Variants in RSRC1 observed in about 807,000 individuals in gnomAD.
RSRC1 encodes arginine and serine rich coiled-coil 1.
A neutral mutation model predicts 49.1 loss-of-function variants in RSRC1; 39 were observed. That is an observed-to-expected ratio of 0.79 (90% CI 0.61 to 1.04). The LOEUF is 1.04. Ranked by LOEUF, RSRC1 falls within the 50% of genes least tolerant of loss-of-function variation. The pLI is 0.00. For missense variants in RSRC1, 388 were observed against 402.4 expected, an observed-to-expected ratio of 0.96 and a Z score of 0.31; for synonymous variants, 143 against 130.8, an observed-to-expected ratio of 1.09 and a Z score of -0.63.
intron 7 of RSRC1, among the ~76,000 whole-genome samples, chr3:158,522,475 C>T (rs551726326): frequency 1.4e-4 from 22 of 151,956 alleles, no homozygotes; most frequent in Admixed American, 1.4e-3. Flanking sequence ...CCAGCTGTAC[C>T]CTACTTTCAT....
chr3:158,442,059 AT>A (rs1736407192), intron 6 of RSRC1, among the ~76,000 whole-genome samples: 1 of 152,170 alleles, frequency 6.6e-6, no homozygotes, highest in South Asian at 2.1e-4. Context: ...AACAATGTAC[AT>A]GACTTAATTA....
At chr3:158,315,546 A>G (rs193075020) in intron 5 of RSRC1, among the ~76,000 whole-genome samples, 23 of 152,340 alleles carry the variant, frequency 1.5e-4, no homozygotes, top group African/African-American at 5.5e-4. Flanking sequence ...TCCAGAGCCC[A>G]TGATTTTAGT....
chr3:158,233,470 A>G (rs775405021), intron 4 of RSRC1, among the ~76,000 whole-genome samples: 4 of 152,074 alleles, frequency 2.6e-5, no homozygotes, highest in Non-Finnish European at 5.9e-5. Flanking sequence ...TAATGAAATA[A>G]CTCATGATTA....
chr3:158,318,049 T>TGTGTG (rs750765594), intron 5 of RSRC1, among the ~76,000 whole-genome samples: 1 of 147,944 alleles, frequency 6.8e-6, no homozygotes, highest in African/African-American at 2.5e-5. Context: ...GTGTGTGTGT[T>TGTGTG]TGTTTTTGGC....
chr3:158,297,088 T>C (rs1161970978), intron 4 of RSRC1, among the ~76,000 whole-genome samples: 1 of 152,100 alleles, frequency 6.6e-6, no homozygotes. Flanking sequence ...TAATGTTGTT[T>C]ATTGTTGGAG....
intron 6 of RSRC1, among the ~76,000 whole-genome samples, chr3:158,373,594 T>C (rs1407027915): frequency 6.6e-6 from 1 of 151,980 alleles, no homozygotes; most frequent in Non-Finnish European, 1.5e-5. Flanking sequence ...GGGCATGATA[T>C]ACTTTTTTTT....
chr3:158,194,725 C>T (rs1389888220), intron 3 of RSRC1, among the ~76,000 whole-genome samples: 1 of 149,280 alleles, frequency 6.7e-6, no homozygotes, highest in African/African-American at 2.5e-5. Context: ...CAATTCCCAC[C>T]TATGAGTAAG....
chr3:158,256,420 G>A (rs753069199), intron 4 of RSRC1, among the ~76,000 whole-genome samples: 27 of 152,122 alleles, frequency 1.8e-4, no homozygotes, highest in South Asian at 2.1e-4. Context: ...CTACTTGATC[G>A]TGGTGGAAAA....
chr3:158,463,167 C>T (rs1259921912), intron 7 of RSRC1, among the ~76,000 whole-genome samples: 12 of 152,056 alleles, frequency 7.9e-5, no homozygotes, highest in Admixed American at 7.2e-4. Flanking sequence ...TTTTCTAAGA[C>T]AGGCCGTAAC....
chr3:158,169,492 T>C (rs1718742568), intron 3 of RSRC1, among the ~76,000 whole-genome samples: 2 of 152,142 alleles, frequency 1.3e-5, no homozygotes, highest in South Asian at 4.1e-4. Context: ...AAACCCTTTA[T>C]GAGAAATAAA....
At chr3:158,286,614 T>C (rs1726578100) in intron 4 of RSRC1, among the ~76,000 whole-genome samples, 1 of 152,180 alleles carries the variant, frequency 6.6e-6, no homozygotes, top group African/African-American at 2.4e-5. Flanking sequence ...GGAATTTGAT[T>C]CATTAAACAA....
At chr3:158,406,226 C>T (rs1236842905) in intron 6 of RSRC1, among the ~76,000 whole-genome samples, 5 of 151,930 alleles carry the variant, frequency 3.3e-5, no homozygotes, top group Admixed American at 3.3e-4. Flanking sequence ...AAAATGTTCT[C>T]ACAATTTTTT....
At chr3:158,466,756 CG>C (rs1339761534) in intron 7 of RSRC1, among the ~76,000 whole-genome samples, 1 of 152,002 alleles carries the variant, frequency 6.6e-6, no homozygotes, top group African/African-American at 2.4e-5. Context: ...TATGAAATGG[CG>C]ATAGTATTTT....
At chr3:158,163,558 G>A (rs531736240) in intron 3 of RSRC1, among the ~76,000 whole-genome samples, 2 of 152,168 alleles carry the variant, frequency 1.3e-5, no homozygotes, top group South Asian at 2.1e-4. Flanking sequence ...TGTTATAACA[G>A]TACAGCTTGG....
intron 7 of RSRC1, among the ~76,000 whole-genome samples, chr3:158,534,317 T>G (rs1712592675): frequency 6.6e-6 from 1 of 151,708 alleles, no homozygotes; most frequent in African/African-American, 2.4e-5. Context: ...TTAATACTCT[T>G]TATATTTATC....
chr3:158,488,349 G>A (rs965782589), intron 7 of RSRC1, among the ~76,000 whole-genome samples: 4 of 152,186 alleles, frequency 2.6e-5, no homozygotes, highest in South Asian at 2.1e-4. Context: ...AAAGAATTGT[G>A]TATTACAATT....
intron 7 of RSRC1, among the ~76,000 whole-genome samples, chr3:158,532,218 G>A (rs1460265527): frequency 1.3e-5 from 2 of 151,764 alleles, no homozygotes; most frequent in East Asian, 3.9e-4. Flanking sequence ...GCATCTTTGG[G>A]AAAATTCATA....
At chr3:158,447,618 C>T (rs1400757177) in intron 6 of RSRC1, among the ~76,000 whole-genome samples, 1 of 151,866 alleles carries the variant, frequency 6.6e-6, no homozygotes, top group East Asian at 1.9e-4. Context: ...TATTAAGCCT[C>T]TCTGAAACTT....
At chr3:158,374,426 C>T (rs1732242906) in intron 6 of RSRC1, among the ~76,000 whole-genome samples, 1 of 152,078 alleles carries the variant, frequency 6.6e-6, no homozygotes, top group Non-Finnish European at 1.5e-5. Flanking sequence ...GGTTCTTTCT[C>T]ACCTCCCATT....
Sources: allele counts gnomAD v4.1 joint callset (sites outside exome capture counted in the v4.1 genomes callset), GRCh38; gene constraint gnomAD v4.1.1; transcripts MANE v1.5; gene names NCBI Gene and HGNC (gene_info 2026-07-23, HGNC 2026-07-21).